The following ZFP92 variants were observed in gnomAD, a reference collection of about 807,000 sequenced individuals.
The protein encoded by ZFP92 is ZFP92 zinc finger protein, also known as zinc finger protein 92 homolog.
ZFP92 carries 2 observed loss-of-function variants against 7.6 expected under a neutral mutation model. That is an observed-to-expected ratio of 0.26 (90% confidence interval 0.11 to 0.83). The LOEUF (loss-of-function observed/expected upper bound fraction) is 0.83. ZFP92 is among the 40% of genes least tolerant of loss of function. The pLI, the probability that ZFP92 is intolerant of heterozygous loss-of-function variation, is 0.65. For synonymous variants in ZFP92, 226 were observed against 183.6 expected (o/e 1.23, Z -1.87); for missense variants, 324 against 408.3 (o/e 0.79, Z 1.78).
Position 153,423,962 on chromosome X carries a change from C to T in ZFP92, c.*2334C>T, listed in dbSNP as rs2089025687. ...AAACAGATCCACGCACTCTGATACC[C>T]ATTTCCGTTGTTCTAGGAGGTAAAT... On this transcript the variant is annotated 3_prime_UTR_variant, in exon 6 of 6. Transcript: ENST00000338647. The T allele has an allele frequency of 8.8e-6, 1 of 113,155 alleles. No homozygotes were observed. The highest frequency in any genetic ancestry group is 1.9e-5 in the Non-Finnish European group (1 of 53,472). The allele number at this position is 113,155 out of a possible 1,213,427, so 9.3% of individuals were successfully genotyped here.
intron 2 of ZFP92, among the ~76,000 whole-genome samples, chrX:153,418,052 C>A (rs1395504760): frequency 8.9e-6 from 1 of 112,014 alleles, no homozygotes; most frequent in Non-Finnish European, 1.9e-5. Context: ...GGACTTCTGG[C>A]CTCCAGAACC....
chrX:153,426,403 A>C lies in ZFP92; in HGVS notation c.*4775A>C, dbSNP rs187218101. The C allele has an allele frequency of 3.1e-4, 34 of 111,042 alleles. No individual in the cohort carries two copies. Among genetic ancestry groups the C allele is most frequent in the Non-Finnish European group, 4.9e-4 (26 of 53,052 alleles). 9.2% of individuals were successfully genotyped at this position (111,042 alleles called of 1,213,427 possible). ...TATGGGTGGACCACAATACCTGTTG[A>C]ATACCTGTTGATGGACATTTGGGTT... On this transcript the variant is annotated 3_prime_UTR_variant, in exon 6 of 6. Transcript: ENST00000338647.
In ZFP92 at chrX:153,421,238, C is replaced by G. The variant is rs1556975055; in HGVS notation, c.861C>G (p.Arg287=). 5.9e-6 allele frequency: 7 copies of G among 1,178,824 alleles called. No individual in the cohort carries two copies. The highest frequency in any genetic ancestry group is 4.6e-4 in the Middle Eastern group (2 of 4,322). ...SNLIEHQRTH[R]GEKPYACGQC... ...TCATCGAGCACCAGCGCACGCACCG[C>G]GGCGAGAAGCCCTACGCCTGCGGCC... The change falls in exon 6 of 6, where the codon CGC becomes CGG. Residue 287 remains arginine (R), a synonymous_variant. Transcript: ENST00000338647.
rs1331961797 is a variant in ZFP92, at chrX:153,424,103, G to C, written c.*2475G>C. 1 of 112,298 alleles carries C rather than the reference G, an allele frequency of 8.9e-6. No individual in the cohort carries two copies. Among genetic ancestry groups the C allele is most frequent in the Admixed American group, 9.4e-5 (1 of 10,641 alleles). 9.3% of individuals were successfully genotyped at this position (112,298 alleles called of 1,213,427 possible). ...TAAGTGAACCCTGTTTTTAACGGAA[G>C]CTCCTTTTTTTTCACCTCAGGACCT... On this transcript the variant is annotated 3_prime_UTR_variant, in exon 6 of 6. Transcript: ENST00000338647.
intron 2 of ZFP92, among the ~76,000 whole-genome samples, chrX:153,412,403 G>A (rs1409861509): frequency 1.8e-5 from 2 of 112,579 alleles, no homozygotes; most frequent in African/African-American, 3.2e-5. Context: ...CCAGGGACAC[G>A]GCGGTAGTAA....
intron 2 of ZFP92, among the ~76,000 whole-genome samples, chrX:153,412,805 G>A (rs1313559702): frequency 1.8e-5 from 2 of 111,708 alleles, no homozygotes; most frequent in African/African-American, 6.5e-5. Flanking sequence ...GGGCATCCCA[G>A]GGATAACTGT....
At position 153,420,332 on chromosome X, in the gene ZFP92, G is replaced by A. The variant is rs1402217572; in HGVS notation, c.265G>A (p.Gly89Ser). Residue 89 changes from glycine to serine, a missense_variant and splice_region_variant, in exon 5 of 6, where the codon GGT becomes AGT. Coordinates refer to ENST00000338647, the MANE Select transcript of ZFP92 (RefSeq NM_001136273.2). ...CTGGGCCACCGCAGGATTGCACATA[G>A]GTGAGTGAGAGGTGCTCAACCAGCT... Reference protein sequence around the residue: ...RTWATAGLHIGDRTQSKTSTS... With the variant: ...RTWATAGLHISDRTQSKTSTS... The A allele has an allele frequency of 8.6e-7, 1 of 1,158,505 alleles. No homozygotes were observed. Among genetic ancestry groups the A allele is most frequent in the African/African-American group, 1.8e-5 (1 of 55,436 alleles).
In ZFP92 at chrX:153,423,799, G is replaced by C. The variant is rs1283320401; in HGVS notation, c.*2171G>C. 7 of 113,915 alleles carry C rather than the reference G, an allele frequency of 6.1e-5. No homozygotes were observed. The highest frequency in any genetic ancestry group is 1.9e-4 in the African/African-American group (6 of 31,442). The allele number at this position is 113,915 out of a possible 1,213,427, so 9.4% of individuals were successfully genotyped here. On this transcript the variant is annotated 3_prime_UTR_variant, in exon 6 of 6. Transcript: ENST00000338647. ...CCTGATGAGGCCATTGGGAAGTCTGGGTTTTTCTGCTGTGCAGACAGTCTT... is the reference window on the plus strand; with the variant it reads ...CCTGATGAGGCCATTGGGAAGTCTGCGTTTTTCTGCTGTGCAGACAGTCTT...
chrX:153,418,797 TG>T lies in ZFP92; in HGVS notation c.160+1del. On this transcript the variant is annotated frameshift_variant and splice_region_variant, in exon 4 of 6. Coordinates refer to ENST00000338647, the MANE Select transcript of ZFP92 (RefSeq NM_001136273.2). LOFTEE classifies it high-confidence loss of function. Reference protein sequence around the residue: ...MLENYSHLVSLGFSFSKPHLI... With the variant: ...MLENYSHLVSXGFSFSKPHLI... ...GAGAACTATAGCCATTTGGTGTCAC[TG>T]GGTAAGTGATCCCTCCACGACATAC... 8.6e-7 allele frequency: 1 copy of T among 1,167,345 alleles called. No individual in the cohort carries two copies. The highest frequency in any genetic ancestry group is 1.1e-6 in the Non-Finnish European group (1 of 872,875).
rs181861824 is a variant in ZFP92, at chrX:153,418,383, C to T, written c.33+28C>T. On this transcript the variant is annotated intron_variant, in intron 3 of 5. Transcript: ENST00000338647. Reference sequence around the variant, plus strand: ...GAGTGGTGGCCCCTCTCCCTGGCCTCTCCCCCTGGCAGCCCCCGTCTGCTG... The same window carrying T: ...GAGTGGTGGCCCCTCTCCCTGGCCTTTCCCCCTGGCAGCCCCCGTCTGCTG... 1,125 of 1,162,959 alleles carry T rather than the reference C, an allele frequency of 9.7e-4. 8 individuals carry two copies. In the African/African-American group the frequency reaches 0.018, roughly 18 times the overall value.
At chrX:153,417,511 C>T in intron 2 of ZFP92, among the ~76,000 whole-genome samples, 1 of 112,051 alleles carries the variant, frequency 8.9e-6, no homozygotes, top group Non-Finnish European at 1.9e-5. Context: ...TTGGAGTTTC[C>T]TTAAGAATCC....
intron 3 of ZFP92, 78 bp from the exon 4 acceptor site, chrX:153,418,595 C>G (rs782323103): frequency 3.1e-5 from 35 of 1,137,011 alleles, no homozygotes; most frequent in Middle Eastern, 2.6e-4. Context: ...CCCCGCCCCC[C>G]ACATTTTGTT....
chrX:153,420,472 G>C, intron 5 of ZFP92, 140 bp downstream of exon 5: 1 of 890,372 alleles, frequency 1.1e-6, no homozygotes, highest in Non-Finnish European at 1.5e-6. Context: ...TGTCACAGCA[G>C]CCCCGCTATC....
chrX:153,420,705 G>A lies in ZFP92; in HGVS notation c.328G>A (p.Gly110Arg), dbSNP rs1556974751. Reference protein sequence around the residue: ...TQKHSGRQLPGADPQGGKEGQ... With the variant: ...TQKHSGRQLPRADPQGGKEGQ... The stretch of plus-strand genomic sequence containing the variant: ...GAAGCATTCTGGACGACAACTCCCC[G>A]GGGCCGATCCACAAGGTGGCAAGGA... Residue 110 changes from glycine to arginine, a missense_variant, in exon 6 of 6, where the codon GGG (glycine) becomes AGG (arginine). Transcript: ENST00000338647. The A allele has an allele frequency of 8.7e-6, 10 of 1,145,700 alleles. No homozygotes were observed. The highest frequency in any genetic ancestry group is 8.0e-5 in the South Asian group (4 of 49,826). The allele number at this position is 1,145,700 out of a possible 1,213,427, so 94.4% of individuals were successfully genotyped here.
chrX:153,413,044 C>T (rs2088921603), intron 2 of ZFP92, among the ~76,000 whole-genome samples: 1 of 111,077 alleles, frequency 9.0e-6, no homozygotes, highest in South Asian at 3.8e-4. Flanking sequence ...GTTTCCTTCT[C>T]CAGCCGTTCT....
In ZFP92 at chrX:153,419,524, G is replaced by C. The variant is rs146637287; in HGVS notation, c.161-704G>C. On this transcript the variant is annotated intron_variant, in intron 4 of 5. Transcript: ENST00000338647. ...GAGATGCATGCGTGAAACAGAGTGG[G>C]ACTGGGCCTCTGGCTTTTCCCCCAG... Among the ~76,000 whole-genome samples, 33 of 112,672 alleles carry C rather than the reference G, an allele frequency of 2.9e-4. No individual in the cohort carries two copies. In the East Asian group the frequency reaches 8.7e-3, roughly 30 times the overall value.
intron 2 of ZFP92, among the ~76,000 whole-genome samples, chrX:153,416,041 G>A (rs1285235989): frequency 5.4e-5 from 6 of 111,157 alleles, no homozygotes; most frequent in Non-Finnish European, 9.4e-5. Flanking sequence ...TCTCTCCCCA[G>A]TCTCCTTTCT....
chrX:153,415,190 G>T (rs185137086), intron 2 of ZFP92, among the ~76,000 whole-genome samples: 1 of 113,098 alleles, frequency 8.8e-6, no homozygotes, highest in Admixed American at 9.2e-5. Flanking sequence ...TGGCCCCAGA[G>T]AGAGGGAAAT....
chrX:153,418,441 G>A (rs2088972669), intron 3 of ZFP92, 86 bp downstream of exon 3: 2 of 1,089,136 alleles, frequency 1.8e-6, no homozygotes, highest in Non-Finnish European at 1.2e-6. Flanking sequence ...CAGCTGGGCT[G>A]AGCTTAGGCT....
Sources: gnomAD v4.1 joint callset for allele counts (sites outside exome capture counted in the v4.1 genomes callset) on GRCh38, gnomAD v4.1.1 for gene constraint, MANE v1.5 for transcripts, NCBI Gene and HGNC (gene_info 2026-07-23, HGNC 2026-07-21) for gene names.